PDE8B: variants seen among roughly 807,000 people sequenced by gnomAD.
PDE8B encodes phosphodiesterase 8B.
In PDE8B, 26 loss-of-function variants were observed where a neutral mutation model predicts 101.3. That is an observed-to-expected ratio of 0.26 (90% CI 0.19 to 0.36). The LOEUF (loss-of-function observed/expected upper bound fraction) is 0.36. PDE8B is among the 10% of genes least tolerant of loss of function. PDE8B has a pLI of 1.00. For synonymous variants in PDE8B, 424 were observed against 429.3 expected (o/e 0.99, Z 0.15); for missense variants, 810 against 1,163.1 (o/e 0.70, Z 4.42).
At chr5:77,265,033 C>A (rs973024840) in intron 1 of PDE8B, among the ~76,000 whole-genome samples, 11 of 152,196 alleles carry the variant, frequency 7.2e-5, no homozygotes, top group Non-Finnish European at 1.6e-4. Flanking sequence ...TATTTGCCAT[C>A]TTATTCTGTC....
At chr5:77,311,838 A>G (rs1772697350) in intron 1 of PDE8B, among the ~76,000 whole-genome samples, 156 bp from the exon 2 acceptor site, 1 of 152,144 alleles carries the variant, frequency 6.6e-6, no homozygotes, top group African/African-American at 2.4e-5. Flanking sequence ...TGTGCTATAC[A>G]TATACATCAT....
the PDE8B span, among the ~76,000 whole-genome samples, chr5:77,135,355 T>C: frequency 6.6e-6 from 1 of 152,192 alleles, no homozygotes; most frequent in Non-Finnish European, 1.5e-5. Context: ...CAAAATGACA[T>C]AAATGCCACA....
chr5:77,350,582 C>G (rs537363800), intron 8 of PDE8B, among the ~76,000 whole-genome samples: 1 of 151,736 alleles, frequency 6.6e-6, no homozygotes, highest in Non-Finnish European at 1.5e-5. Context: ...GGCTGGGGGG[C>G]CCGTAGGATG....
intron 7 of PDE8B, among the ~76,000 whole-genome samples, chr5:77,348,480 C>A (rs1780533215): frequency 6.6e-6 from 1 of 152,146 alleles, no homozygotes; most frequent in Admixed American, 6.5e-5. Flanking sequence ...GAGCTTCACA[C>A]CTGCCTGAGC....
At chr5:77,258,827 A>G (rs755408473) in intron 1 of PDE8B, among the ~76,000 whole-genome samples, 3 of 152,068 alleles carry the variant, frequency 2.0e-5, no homozygotes, top group Non-Finnish European at 4.4e-5. Flanking sequence ...AACAGGGAAG[A>G]GCTAGCTGTG....
At chr5:77,190,769 A>G in the PDE8B span, among the ~76,000 whole-genome samples, 1 of 152,196 alleles carries the variant, frequency 6.6e-6, no homozygotes, top group Admixed American at 6.5e-5. Flanking sequence ...TCCCTTGCAG[A>G]ATTAAAACAA....
intron 1 of PDE8B, among the ~76,000 whole-genome samples, chr5:77,267,294 G>T (rs1009474110): frequency 6.6e-6 from 1 of 152,048 alleles, no homozygotes; most frequent in Non-Finnish European, 1.5e-5. Flanking sequence ...AAAAAAATTA[G>T]CCATGTATGG....
Position 77,211,299 on chromosome 5 carries a change from C to G in PDE8B, c.339+35C>G, listed in dbSNP as rs781062791. The G allele has an allele frequency of 2.0e-6, 3 of 1,515,324 alleles. No homozygotes were observed. The highest frequency in any genetic ancestry group is 2.4e-5 in the South Asian group (2 of 82,218). The allele number at this position is 1,515,324 out of a possible 1,614,324, so 93.9% of individuals were successfully genotyped here. A position where few individuals can be genotyped will look rare whatever the true frequency, so the allele number is the denominator to read the frequency against. On this transcript the variant is annotated intron_variant, in intron 1 of 21. Transcript: ENST00000264917. The surrounding 1 kb of genome is among the most constrained non-coding windows in gnomAD (Gnocchi z 4.1). ...CCGCGCTGGCACACGCCGTGGGGGCCGTCCGCCCCGTCGGCGGGGCTCGCA... is the reference window on the plus strand; with the variant it reads ...CCGCGCTGGCACACGCCGTGGGGGCGGTCCGCCCCGTCGGCGGGGCTCGCA...
the PDE8B span, among the ~76,000 whole-genome samples, chr5:77,160,642 T>C: frequency 1.3e-5 from 2 of 152,200 alleles, no homozygotes; most frequent in African/African-American, 4.8e-5. Context: ...TATATCTTTT[T>C]CTTTTTGATT....
At chr5:77,388,921 C>T (rs922760567) in intron 10 of PDE8B, among the ~76,000 whole-genome samples, 18 of 152,138 alleles carry the variant, frequency 1.2e-4, no homozygotes, top group African/African-American at 3.9e-4. Context: ...TACCCCTCCC[C>T]ACGCCAAGCT....
intron 10 of PDE8B, among the ~76,000 whole-genome samples, chr5:77,371,375 T>C (rs1581298647): frequency 6.6e-6 from 1 of 152,248 alleles, no homozygotes; most frequent in East Asian, 1.9e-4. Context: ...CTTTCTTTTC[T>C]TCATTGGATT....
rs1301646061 is a variant in PDE8B, at chr5:77,331,459, G to A, written c.708G>A (p.Arg236=). The part of the protein sequence containing the change: ...VLPLLHAGFN[R]RFMENSSIIA... The stretch of plus-strand genomic sequence containing the variant: ...CTCTTCTCCACGCAGGCTTCAACAG[G>A]GTATGTACAAGATATCCAGCATCTC... The change falls in exon 5 of 22, where the codon AGG becomes AGA. Residue 236 remains arginine, a splice_region_variant and synonymous_variant. Transcript: ENST00000264917. 1 of 1,611,086 alleles carries A rather than the reference G, an allele frequency of 6.2e-7. No individual in the cohort carries two copies. Among genetic ancestry groups the A allele is most frequent in the East Asian group, 2.2e-5 (1 of 44,858 alleles).
intron 10 of PDE8B, among the ~76,000 whole-genome samples, chr5:77,377,046 G>GT: frequency 6.6e-6 from 1 of 152,148 alleles, no homozygotes; most frequent in Non-Finnish European, 1.5e-5. Flanking sequence ...CTGTTTATAT[G>GT]TAAGTGTCTG....
chr5:77,374,411 G>GT (rs891594263), intron 10 of PDE8B, among the ~76,000 whole-genome samples: 27 of 150,344 alleles, frequency 1.8e-4, no homozygotes, highest in Admixed American at 7.2e-4. Context: ...TTTAACATCT[G>GT]TTTTTTTTGT....
At chr5:77,338,879 G>T (rs1778663244) in intron 6 of PDE8B, among the ~76,000 whole-genome samples, 1 of 152,108 alleles carries the variant, frequency 6.6e-6, no homozygotes, top group African/African-American at 2.4e-5. Context: ...TTAAATAAGT[G>T]CTTCTGGTTT....
chr5:77,242,647 A>G (rs1432582529), intron 1 of PDE8B, among the ~76,000 whole-genome samples: 1 of 152,086 alleles, frequency 6.6e-6, no homozygotes, highest in Non-Finnish European at 1.5e-5. Context: ...ATGTCAGTCA[A>G]ATTTCTTTTT....
At chr5:77,392,594 G>C (rs1790171225) in intron 10 of PDE8B, among the ~76,000 whole-genome samples, 1 of 152,154 alleles carries the variant, frequency 6.6e-6, no homozygotes. Context: ...GAATCTTTGA[G>C]GCCTTCTCAG....
the PDE8B span, among the ~76,000 whole-genome samples, chr5:77,176,147 G>A: frequency 3.3e-4 from 50 of 152,100 alleles, no homozygotes; most frequent in African/African-American, 1.2e-3. Flanking sequence ...TCCACTGCAC[G>A]TCCAGGGTGA....
the PDE8B span, among the ~76,000 whole-genome samples, chr5:77,182,729 T>A: frequency 4.0e-5 from 6 of 151,872 alleles, no homozygotes; most frequent in Non-Finnish European, 8.8e-5. Context: ...GATGCCTAAT[T>A]GCCAGAGCTT....
Sources: allele counts gnomAD v4.1 joint callset (sites outside exome capture counted in the v4.1 genomes callset), GRCh38; gene constraint gnomAD v4.1.1; non-coding constraint Gnocchi (gnomAD v3.1); transcripts MANE v1.5; gene names NCBI Gene and HGNC (gene_info 2026-07-23, HGNC 2026-07-21).